Variants in MAN1A2 observed in about 807,000 individuals in gnomAD.
The protein encoded by MAN1A2 is mannosyl-oligosaccharide 1,2-alpha-mannosidase IB.
Under a neutral mutation model 75.7 loss-of-function variants are expected in MAN1A2, and 26 were observed. The ratio of observed to expected loss-of-function variants is 0.34; its 90% CI spans 0.25 to 0.48. MAN1A2 has a LOEUF of 0.48. MAN1A2 is among the 20% of genes least tolerant of loss of function. The probability of loss-of-function intolerance (pLI) is 0.99; values close to 1 mark genes in which losing one functional copy is unlikely to be tolerated. For synonymous variants in MAN1A2, 247 were observed against 264.6 expected (o/e 0.93, Z 0.65); for missense variants, 562 against 775.5 (o/e 0.72, Z 3.27).
chr1:117,491,057 T>TA (rs1479102602), intron 8 of MAN1A2, among the ~76,000 whole-genome samples: 1 of 151,954 alleles, frequency 6.6e-6, no homozygotes, highest in East Asian at 1.9e-4. Context: ...AGGTGACAGG[T>TA]GAAGCAGCAA....
chr1:117,473,368 G>GT (rs745436852), intron 8 of MAN1A2, among the ~76,000 whole-genome samples: 16 of 152,088 alleles, frequency 1.1e-4, no homozygotes, highest in Non-Finnish European at 1.6e-4. Context: ...TGCCTGGATT[G>GT]TTATAATAAA....
intron 1 of MAN1A2, among the ~76,000 whole-genome samples, chr1:117,383,749 ATTT>A (rs879757603): frequency 1.5e-3 from 221 of 147,796 alleles, no homozygotes; most frequent in African/African-American, 4.6e-3. Flanking sequence ...TTCTTTAAAA[ATTT>A]TTTTTTTTTT....
chr1:117,389,372 G>A (rs1288307692), intron 1 of MAN1A2, among the ~76,000 whole-genome samples: 2 of 152,168 alleles, frequency 1.3e-5, no homozygotes, highest in South Asian at 2.1e-4. Context: ...ATCACCATAA[G>A]GAGTGTGCAA....
intron 3 of MAN1A2, among the ~76,000 whole-genome samples, chr1:117,413,592 A>C: frequency 6.6e-6 from 1 of 151,806 alleles, no homozygotes; most frequent in East Asian, 1.9e-4. Flanking sequence ...ATAAATCATC[A>C]TTTGATACTT....
At chr1:117,476,986 A>T (rs1650334217) in intron 8 of MAN1A2, among the ~76,000 whole-genome samples, 1 of 152,230 alleles carries the variant, frequency 6.6e-6, no homozygotes, top group African/African-American at 2.4e-5. Flanking sequence ...CTTCATATTC[A>T]TAAGCATGGA....
At chr1:117,381,553 T>C (rs989899799) in intron 1 of MAN1A2, among the ~76,000 whole-genome samples, 6 of 152,178 alleles carry the variant, frequency 3.9e-5, no homozygotes, top group Admixed American at 1.3e-4. Flanking sequence ...CCATGGTGTA[T>C]ATGTGCCACA....
chr1:117,373,433 G>C (rs751850758), intron 1 of MAN1A2, among the ~76,000 whole-genome samples: 3 of 145,122 alleles, frequency 2.1e-5, no homozygotes, highest in African/African-American at 5.1e-5. Context: ...AGGTTTGTTT[G>C]TATTTGACGT....
At chr1:117,434,920 G>A (rs567048114) in intron 5 of MAN1A2, among the ~76,000 whole-genome samples, 1 of 151,964 alleles carries the variant, frequency 6.6e-6, no homozygotes, top group Admixed American at 6.6e-5. Flanking sequence ...AAATTTAAAA[G>A]GATTGGGTGA....
intron 1 of MAN1A2, among the ~76,000 whole-genome samples, chr1:117,400,543 T>C (rs1202982849): frequency 6.6e-6 from 1 of 151,810 alleles, no homozygotes; most frequent in African/African-American, 2.4e-5. Context: ...TGGCTACCAC[T>C]AATCTATTCA....
At chr1:117,473,363 G>A (rs1295640521) in intron 8 of MAN1A2, among the ~76,000 whole-genome samples, 2 of 152,036 alleles carry the variant, frequency 1.3e-5, no homozygotes, top group East Asian at 3.9e-4. Flanking sequence ...TCTCTTGCCT[G>A]GATTGTTATA....
rs190319342 is a variant in MAN1A2 at position 117,394,808 on chromosome 1, A to C, written c.303-7378A>C. Among the ~76,000 whole-genome samples, 7 of 152,316 alleles carry C rather than the reference A, an allele frequency of 4.6e-5. No homozygotes were observed. The East Asian group carries it at 1.2e-3, about 25-fold the overall frequency. Reference sequence around the variant, plus strand: ...ACAGCAAGTGTAGTACTGTTTGAAAAAGTAAAGTGAAGGAAGGAGAACACC... The same window carrying C: ...ACAGCAAGTGTAGTACTGTTTGAAACAGTAAAGTGAAGGAAGGAGAACACC... On this transcript the variant is annotated intron_variant, in intron 1 of 12. Transcript: ENST00000356554.
intron 8 of MAN1A2, among the ~76,000 whole-genome samples, chr1:117,477,330 AC>A (rs1650346347): frequency 6.6e-6 from 1 of 152,012 alleles, no homozygotes; most frequent in Non-Finnish European, 1.5e-5. Flanking sequence ...CAGAGACACA[AC>A]AAAAAAAGAA....
At chr1:117,449,039 T>A (rs1310023991) in intron 6 of MAN1A2, among the ~76,000 whole-genome samples, 1 of 152,130 alleles carries the variant, frequency 6.6e-6, no homozygotes, top group African/African-American at 2.4e-5. Context: ...TGATCTTTCT[T>A]ATTACTCTAG....
chr1:117,375,474 A>G (rs1356357090), intron 1 of MAN1A2, among the ~76,000 whole-genome samples: 7 of 152,132 alleles, frequency 4.6e-5, no homozygotes, highest in African/African-American at 1.4e-4. Context: ...CAAAGAACAC[A>G]GGTGTTGTTT....
intron 5 of MAN1A2, among the ~76,000 whole-genome samples, chr1:117,432,470 A>C (rs928685097): frequency 3.9e-5 from 6 of 152,254 alleles, no homozygotes; most frequent in African/African-American, 1.2e-4. Flanking sequence ...TTCCACATAC[A>C]TTAAAGGCAT....
At position 117,524,862 on chromosome 1, in the gene MAN1A2, A is replaced by G. The variant is rs1205088191; in HGVS notation, c.*1905A>G. The G allele has an allele frequency of 3.4e-6, 1 of 294,614 alleles. No individual in the cohort carries two copies. Among genetic ancestry groups the G allele is most frequent in the East Asian group, 7.6e-5 (1 of 13,136 alleles). The allele number at this position is 294,614 out of a possible 1,614,324, so 18.2% of individuals were successfully genotyped here. ...TTAAATTTCTAAATGAGAAAGGTATATATATTACTGTAACTGTAGAAGGGA... is the reference window on the plus strand; with the variant it reads ...TTAAATTTCTAAATGAGAAAGGTATGTATATTACTGTAACTGTAGAAGGGA... On this transcript the variant is annotated 3_prime_UTR_variant, in exon 13 of 13. Coordinates refer to ENST00000356554, the MANE Select transcript of MAN1A2 (RefSeq NM_006699.5).
At chr1:117,371,401 TG>T (rs1359311742) in intron 1 of MAN1A2, among the ~76,000 whole-genome samples, 7 of 152,172 alleles carry the variant, frequency 4.6e-5, no homozygotes, top group African/African-American at 1.7e-4. Context: ...GTGTGATGAA[TG>T]TTACGAAGTT....
At chr1:117,520,194 T>C (rs1651830677) in intron 12 of MAN1A2, among the ~76,000 whole-genome samples, 1 of 152,030 alleles carries the variant, frequency 6.6e-6, no homozygotes, top group South Asian at 2.1e-4. Flanking sequence ...AAACCAACTG[T>C]GACAAACCCA....
chr1:117,513,730 T>C (rs1163367550), intron 12 of MAN1A2, among the ~76,000 whole-genome samples: 1 of 152,128 alleles, frequency 6.6e-6, no homozygotes, highest in African/African-American at 2.4e-5. Flanking sequence ...GAGCTAAAAT[T>C]TGTGGCAACA....
Sources: allele counts gnomAD v4.1 joint callset (sites outside exome capture counted in the v4.1 genomes callset), GRCh38; gene constraint gnomAD v4.1.1; transcripts MANE v1.5; gene names NCBI Gene and HGNC (gene_info 2026-07-23, HGNC 2026-07-21).